The following CAPN5 variants were observed in gnomAD, a reference collection of about 807,000 sequenced individuals.
CAPN5 encodes the protein calpain 5.
In CAPN5, 54 loss-of-function variants were observed where a neutral mutation model predicts 73.0. The observed-to-expected ratio is 0.74, with a 90% CI of 0.59 to 0.93. The LOEUF is 0.93. Ranked by LOEUF, CAPN5 falls within the 40% of genes least tolerant of loss-of-function variation. The pLI is 0.00. For missense variants in CAPN5, 785 were observed against 882.9 expected, an observed-to-expected ratio of 0.89 and a Z score of 1.41; for synonymous variants, 335 against 356.9, an observed-to-expected ratio of 0.94 and a Z score of 0.69.
intron 3 of CAPN5, among the ~76,000 whole-genome samples, chr11:77,102,394 T>C (rs1452659433): frequency 6.6e-6 from 1 of 152,178 alleles, no homozygotes; most frequent in Non-Finnish European, 1.5e-5. Context: ...TCCTGCCTTC[T>C]CCACCTGCTC....
chr11:77,093,650 C>T (rs1445459446), intron 2 of CAPN5, 32 bp from the exon 3 acceptor site: 7 of 1,542,084 alleles, frequency 4.5e-6, no homozygotes, highest in South Asian at 3.5e-5. Flanking sequence ...TGCTCCTCCG[C>T]CCCTCACGCT....
chr11:77,108,375 T>C (rs1252689392), intron 3 of CAPN5, among the ~76,000 whole-genome samples: 1 of 152,018 alleles, frequency 6.6e-6, no homozygotes, highest in African/African-American at 2.4e-5. Flanking sequence ...AGCTGGCCCC[T>C]AAGAGACAAG....
intron 2 of CAPN5, among the ~76,000 whole-genome samples, chr11:77,089,772 G>A (rs1555036173): frequency 2.0e-5 from 3 of 152,134 alleles, no homozygotes; most frequent in South Asian, 4.2e-4. Flanking sequence ...TACTCTAGAG[G>A]CTAAGGCAGG....
chr11:77,122,181 A>T (rs1173000178), intron 11 of CAPN5, 132 bp downstream of exon 11: 1 of 585,794 alleles, frequency 1.7e-6, no homozygotes, highest in Non-Finnish European at 3.0e-6. Flanking sequence ...TTCTGGGGTG[A>T]TGCCTGATGC....
chr11:77,093,575 A>G, intron 2 of CAPN5, 107 bp from the exon 3 acceptor site: 1 of 1,439,838 alleles, frequency 6.9e-7, no homozygotes, highest in Admixed American at 2.1e-5. Context: ...GCTGATGATC[A>G]CACAGCAAGT....
At chr11:77,072,956 G>A in intron 1 of CAPN5, 1 of 509,522 alleles carries the variant, frequency 2.0e-6, no homozygotes, top group Non-Finnish European at 3.4e-6. Context: ...AGGCAGAGGT[G>A]GCTTCAGTGA....
In CAPN5 at chr11:77,125,639, T is replaced by TATATATATAC. The variant is rs1459199941; in HGVS notation, c.*1770_*1771insTATATATACA. The stretch of plus-strand genomic sequence containing the variant: ...CTATATATATATATATATATATATA[T>TATATATATAC]ACATTCATGTAATCACCACTTCTCG... On this transcript the variant is annotated 3_prime_UTR_variant, in exon 13 of 13. Transcript: ENST00000648180. 4 of 149,796 alleles carry TATATATATAC rather than the reference T, an allele frequency of 2.7e-5. No individual in the cohort carries two copies. Among genetic ancestry groups the TATATATATAC allele is most frequent in the African/African-American group, 9.9e-5 (4 of 40,412 alleles). The allele number at this position is 149,796 out of a possible 1,614,324, so 9.3% of individuals were successfully genotyped here.
chr11:77,109,865 C>G (rs897195253), intron 3 of CAPN5, among the ~76,000 whole-genome samples: 1 of 152,176 alleles, frequency 6.6e-6, no homozygotes, highest in Non-Finnish European at 1.5e-5. Context: ...AGCCAAGCCT[C>G]GAGTTTGACT....
At chr11:77,076,027 C>T (rs1456595317) in intron 1 of CAPN5, among the ~76,000 whole-genome samples, 1 of 152,146 alleles carries the variant, frequency 6.6e-6, no homozygotes, top group African/African-American at 2.4e-5. Flanking sequence ...TTAATTATCA[C>T]ACGCATTACC....
intron 11 of CAPN5, 118 bp from the exon 12 acceptor site, chr11:77,122,458 G>A: frequency 1.1e-6 from 1 of 885,382 alleles, no homozygotes; most frequent in East Asian, 2.7e-5. Context: ...AGGTGGGTCA[G>A]GCTCCAGTCT....
In CAPN5 at chr11:77,119,059, T is replaced by G. The variant is rs1565278949; in HGVS notation, c.1197T>G (p.Asp399Glu). ...QYIFEVKKPEDEVLICIQQRP... is the reference protein window; with the variant it reads ...QYIFEVKKPEEEVLICIQQRP... ...TCTTCGAAGTCAAGAAGCCAGAAGA[T>G]GAAGTCCTGATCTGCATCCAGCAGC... Residue 399 changes from aspartate to glutamate, a missense_variant, in exon 9 of 13, where the codon GAT (aspartate) becomes GAG (glutamate). By Grantham distance (45) the Asp-to-Glu change is conservative (BLOSUM62 2). Transcript: ENST00000648180. 1.2e-6 allele frequency: 2 copies of G among 1,614,016 alleles called. No homozygotes were observed. Among genetic ancestry groups the G allele is most frequent in the Admixed American group, 3.3e-5 (2 of 60,024 alleles).
chr11:77,109,365 C>T (rs1950387446), intron 3 of CAPN5, among the ~76,000 whole-genome samples: 2 of 152,054 alleles, frequency 1.3e-5, no homozygotes, highest in South Asian at 2.1e-4. Context: ...GGATAAATTT[C>T]CTGTAATTTT....
chr11:77,111,444 C>A (rs760852918), intron 3 of CAPN5, among the ~76,000 whole-genome samples: 6 of 152,142 alleles, frequency 3.9e-5, no homozygotes, highest in Admixed American at 1.3e-4. Context: ...ACAGTATTGT[C>A]ATCTGTGAAG....
At chr11:77,075,277 G>C (rs1949957391) in intron 1 of CAPN5, among the ~76,000 whole-genome samples, 1 of 152,126 alleles carries the variant, frequency 6.6e-6, no homozygotes, top group African/African-American at 2.4e-5. Context: ...ATGGTCTCTG[G>C]CTGGCATCTC....
At chr11:77,075,629 G>A (rs946304323) in intron 1 of CAPN5, among the ~76,000 whole-genome samples, 1 of 152,212 alleles carries the variant, frequency 6.6e-6, no homozygotes, top group Non-Finnish European at 1.5e-5. Flanking sequence ...TGGGACCTGG[G>A]TTACCACATT....
chr11:77,089,022 C>T (rs1950121667), intron 2 of CAPN5, among the ~76,000 whole-genome samples: 1 of 152,164 alleles, frequency 6.6e-6, no homozygotes, highest in African/African-American at 2.4e-5. Flanking sequence ...TGTCCCCCCT[C>T]CCTCCCAGGG....
At chr11:77,103,833 G>A (rs575694130) in intron 3 of CAPN5, among the ~76,000 whole-genome samples, 4 of 152,320 alleles carry the variant, frequency 2.6e-5, no homozygotes, top group African/African-American at 9.6e-5. Flanking sequence ...TGTCTGGGCT[G>A]CTGGTCCCAT....
chr11:77,090,054 T>C (rs1555036234), intron 2 of CAPN5, among the ~76,000 whole-genome samples: 2 of 152,224 alleles, frequency 1.3e-5, no homozygotes, highest in Middle Eastern at 3.2e-3. Context: ...AGTGCCCATC[T>C]CACAGGGTTG....
intron 1 of CAPN5, among the ~76,000 whole-genome samples, chr11:77,078,954 A>G (rs1237902089): frequency 6.6e-6 from 1 of 152,130 alleles, no homozygotes; most frequent in Non-Finnish European, 1.5e-5. Context: ...AATTTTTATC[A>G]TGAAAGGATG....
Sources: gnomAD v4.1 joint callset for allele counts (sites outside exome capture counted in the v4.1 genomes callset) on GRCh38, gnomAD v4.1.1 for gene constraint, MANE v1.5 for transcripts, NCBI Gene and HGNC (gene_info 2026-07-23, HGNC 2026-07-21) for gene names.